PRR5: variants seen among roughly 807,000 people sequenced by gnomAD.
The protein encoded by PRR5 is proline-rich protein 5.
PRR5 carries 25 observed loss-of-function variants against 30.6 expected under a neutral mutation model. The ratio of observed to expected loss-of-function variants is 0.82; its 90% CI spans 0.60 to 1.14. The LOEUF (loss-of-function observed/expected upper bound fraction) is 1.14, where lower values mean the gene tolerates loss of function less well. Ranked by LOEUF, PRR5 falls within the 50% of genes most tolerant of loss-of-function variation. The pLI is 0.00. For synonymous variants in PRR5, 286 were observed against 247.1 expected (o/e 1.16, Z -1.48); for missense variants, 600 against 547.1 (o/e 1.10, Z -0.96).
intron 1 of PRR5, among the ~76,000 whole-genome samples, chr22:44,686,673 G>T (rs538250403): frequency 6.6e-6 from 1 of 152,108 alleles, no homozygotes; most frequent in African/African-American, 2.4e-5. Flanking sequence ...ACACCACCAC[G>T]CCCAGCTAAT....
rs1171067279 is a variant in PRR5, at chr22:44,737,250, C to T, written c.*3C>T. 3.3e-5 allele frequency: 52 copies of T among 1,592,418 alleles called. No individual in the cohort carries two copies. Among genetic ancestry groups the T allele is most frequent in the Non-Finnish European group, 4.3e-5 (50 of 1,165,834 alleles). On this transcript the variant is annotated 3_prime_UTR_variant, in exon 8 of 8. Transcript: ENST00000336985. ...GGGGCCGGCAGAGTGTCGTGTGAGG[C>T]CTCACAGCTGGCCTTGAGTTTTTAC...
chr22:44,735,008 C>G lies in PRR5; in HGVS notation c.556-19C>G. ...GCTCGGGTGCATGACCCCCTACCCC[C>G]TGCCCCACTCTCCTGCAGGGGGTAC... is the stretch of plus-strand genomic sequence containing the variant. On this transcript the variant is annotated intron_variant, in intron 6 of 7. Coordinates refer to ENST00000336985, the MANE Select transcript of PRR5 (RefSeq NM_181333.4). 4.4e-6 allele frequency: 7 copies of G among 1,609,118 alleles called. No homozygotes were observed. Among genetic ancestry groups the G allele is most frequent in the Non-Finnish European group, 5.9e-6 (7 of 1,177,086 alleles).
intron 1 of PRR5, among the ~76,000 whole-genome samples, chr22:44,713,836 C>G (rs1277881702): frequency 6.6e-6 from 1 of 152,262 alleles, no homozygotes; most frequent in Non-Finnish European, 1.5e-5. Flanking sequence ...CGGACTGTTG[C>G]TCTGTCGCCC....
chr22:44,733,009 A>C (rs564936880), intron 6 of PRR5, among the ~76,000 whole-genome samples: 1 of 99,366 alleles, frequency 1.0e-5, no homozygotes, highest in Non-Finnish European at 2.8e-5. Flanking sequence ...CACATACTAC[A>C]CACGTGCACA....
upstream of PRR5, among the ~76,000 whole-genome samples, chr22:44,698,928 G>A (rs1276507797): frequency 6.6e-6 from 1 of 152,134 alleles, no homozygotes; most frequent in Non-Finnish European, 1.5e-5. Context: ...TGGCCCCGGG[G>A]CAGCCCCGCA....
chr22:44,675,585 A>T (rs140046317), upstream of PRR5, among the ~76,000 whole-genome samples: 244 of 151,914 alleles, frequency 1.6e-3, no homozygotes, highest in African/African-American at 5.7e-3. Context: ...AAGCTGTGTG[A>T]CCCCAGGCAG....
intron 1 of PRR5, among the ~76,000 whole-genome samples, chr22:44,709,352 G>A (rs959263934): frequency 6.6e-6 from 1 of 152,180 alleles, no homozygotes; most frequent in African/African-American, 2.4e-5. Flanking sequence ...AGAGGCGGGG[G>A]TAAAAGGGAC....
intron 1 of PRR5, among the ~76,000 whole-genome samples, chr22:44,670,250 G>C (rs955438564): frequency 5.9e-5 from 9 of 152,162 alleles, no homozygotes; most frequent in Non-Finnish European, 1.0e-4. Context: ...TGGAGCCCAA[G>C]TCCCCCAGCA....
chr22:44,715,441 C>T (rs1314085823), intron 2 of PRR5, among the ~76,000 whole-genome samples: 1 of 152,200 alleles, frequency 6.6e-6, no homozygotes, highest in Non-Finnish European at 1.5e-5. Flanking sequence ...CTTTCATACG[C>T]AGGCGCCCCC....
At chr22:44,696,288 C>T (rs1473494663) in intron 1 of PRR5, among the ~76,000 whole-genome samples, 1 of 152,108 alleles carries the variant, frequency 6.6e-6, no homozygotes, top group African/African-American at 2.4e-5. Context: ...TGGGAGATTC[C>T]AAAACCTGTC....
chr22:44,718,192 C>CTTT lies in PRR5; in HGVS notation c.215+3539_215+3541dup, dbSNP rs34868054. On this transcript the variant is annotated intron_variant, in intron 2 of 7. Transcript: ENST00000336985. ...TGTGTGGATGCACGTTTTCATCTCT[C>CTTT]TTTTTTTTTTTTTTTTTTTTGAGAC... Among the ~76,000 whole-genome samples, 487 of 94,484 alleles carry CTTT rather than the reference C, an allele frequency of 5.2e-3. 21 individuals are homozygous for CTTT. Among genetic ancestry groups the CTTT allele is most frequent in the Non-Finnish European group, 6.0e-3 (314 of 52,114 alleles). The allele number at this position is 94,484 out of a possible 152,430, so 62.0% of individuals were successfully genotyped here.
upstream of PRR5, among the ~76,000 whole-genome samples, chr22:44,697,526 T>A (rs560933248): frequency 8.5e-5 from 13 of 152,356 alleles, no homozygotes; most frequent in South Asian, 2.5e-3. Context: ...CTGACCAGGC[T>A]GCTCCTCAGG....
At chr22:44,712,719 G>T (rs892262602) in intron 1 of PRR5, among the ~76,000 whole-genome samples, 2 of 152,214 alleles carry the variant, frequency 1.3e-5, no homozygotes, top group African/African-American at 4.8e-5. Context: ...GCATCGTGTG[G>T]ACAGCTGTCC....
At chr22:44,675,768 A>ATTATTG (rs1923713903), upstream of PRR5, among the ~76,000 whole-genome samples, 1 of 133,658 alleles carries the variant, frequency 7.5e-6, no homozygotes, top group Admixed American at 7.2e-5. Context: ...TGTTGTTATT[A>ATTATTG]TTATTATTAT....
chr22:44,722,343 T>A (rs1248039272), intron 2 of PRR5, among the ~76,000 whole-genome samples: 1 of 152,232 alleles, frequency 6.6e-6, no homozygotes, highest in Non-Finnish European at 1.5e-5. Flanking sequence ...GGCCTGTGAC[T>A]GGCCTGCCTC....
intron 1 of PRR5, among the ~76,000 whole-genome samples, chr22:44,712,802 G>A (rs1425121827): frequency 6.6e-6 from 1 of 152,172 alleles, no homozygotes; most frequent in African/African-American, 2.4e-5. Context: ...TGGGTGGGCG[G>A]TGGCTGTTGT....
intron 1 of PRR5, among the ~76,000 whole-genome samples, chr22:44,708,966 CAAAAAAAAAAAAAA>C (rs60854330): frequency 7.8e-5 from 5 of 64,422 alleles, no homozygotes; most frequent in Admixed American, 1.8e-4. Context: ...GACTCTGTCT[CAAAAAAAAAAAAAA>C]AAAAAAAAAA....
Position 44,702,601 on chromosome 22 carries a change from T to G in PRR5, c.127T>G (p.Trp43Gly). 1 of 1,368,276 alleles carries G rather than the reference T, an allele frequency of 7.3e-7. No individual in the cohort carries two copies. The highest frequency in any genetic ancestry group is 1.7e-5 in the South Asian group (1 of 58,586). The allele number at this position is 1,368,276 out of a possible 1,614,324, so 84.8% of individuals were successfully genotyped here. A position where few individuals can be genotyped will look rare whatever the true frequency, so the allele number is the denominator to read the frequency against. Reference sequence around the variant, plus strand: ...GCGCCGGGCCTGCGCCAACGCCACCTGGAACAGGTAAGGCCGCGCCCTCCC... The same window carrying G: ...GCGCCGGGCCTGCGCCAACGCCACCGGGAACAGGTAAGGCCGCGCCCTCCC... ...QQRRACANATWNSIHNGVIAV... is the reference protein window; with the variant it reads ...QQRRACANATGNSIHNGVIAV... The change falls in exon 1 of 8, where the codon TGG becomes GGG. Residue 43 changes from tryptophan (W) to glycine (G), a missense_variant. Trp to Gly is a radical substitution (Grantham distance 184, BLOSUM62 -2). Transcript: ENST00000336985.
At chr22:44,675,236 C>G (rs2146928375), upstream of PRR5, among the ~76,000 whole-genome samples, 1 of 148,262 alleles carries the variant, frequency 6.7e-6, no homozygotes, top group South Asian at 2.2e-4. Flanking sequence ...GGTGACAGAG[C>G]AAGACGCTGT....
Sources: gnomAD v4.1 joint callset for allele counts (sites outside exome capture counted in the v4.1 genomes callset) on GRCh38, gnomAD v4.1.1 for gene constraint, MANE v1.5 for transcripts, NCBI Gene and HGNC (gene_info 2026-07-23, HGNC 2026-07-21) for gene names.